The following PCED1B variants were observed in gnomAD, a reference collection of about 807,000 sequenced individuals.
PCED1B encodes PC-esterase domain containing 1B.
For synonymous variants in PCED1B, 251 were observed against 246.1 expected (o/e 1.02, Z -0.19); for missense variants, 573 against 573.9 (o/e 1.00, Z 0.02).
chr12:47,194,792 A>G (rs1487006317), intron 2 of PCED1B, among the ~76,000 whole-genome samples: 4 of 152,346 alleles, frequency 2.6e-5, no homozygotes, highest in South Asian at 2.1e-4. Context: ...CAGGGTTTTA[A>G]TGAGGAAGAG....
In PCED1B at chr12:47,095,064, G is replaced by A. The variant is rs551221276; in HGVS notation, c.-608-9049G>A. ...TGGGACTACTGGTGTGTGCCACTGT[G>A]CCCACAATTTTTTTTTTTTTTTTTT... On this transcript the variant is annotated intron_variant, in intron 1 of 3. Transcript: ENST00000546455. 1.8e-3 allele frequency among the ~76,000 whole-genome samples: 237 copies of A among 134,470 alleles called. 1 individual carries two copies. The highest frequency in any genetic ancestry group is 0.011 in the East Asian group (54 of 4,884). 88.2% of individuals were successfully genotyped at this position (134,470 alleles called of 152,430 possible). A position where few individuals can be genotyped will look rare whatever the true frequency, so the allele number is the denominator to read the frequency against.
intron 2 of PCED1B, among the ~76,000 whole-genome samples, chr12:47,193,967 T>C (rs982790707): frequency 6.6e-6 from 1 of 152,228 alleles, no homozygotes; most frequent in Admixed American, 6.5e-5. Flanking sequence ...TCTGGTTTCC[T>C]GCCTACCTCC....
At chr12:47,194,352 T>A (rs900411156) in intron 2 of PCED1B, among the ~76,000 whole-genome samples, 2 of 152,152 alleles carry the variant, frequency 1.3e-5, no homozygotes, top group African/African-American at 4.8e-5. Context: ...TTTTTGTATT[T>A]TTAATAGAGA....
chr12:47,139,313 A>G (rs1940502924), intron 2 of PCED1B, among the ~76,000 whole-genome samples: 2 of 152,228 alleles, frequency 1.3e-5, no homozygotes, highest in East Asian at 3.9e-4. Context: ...AAGGCCAGTC[A>G]GGACAGTAAT....
chr12:47,224,063 G>T (rs188224018), intron 3 of PCED1B: 28 of 152,288 alleles, frequency 1.8e-4, no homozygotes, highest in African/African-American at 6.5e-4. Context: ...GTGTTAAAGG[G>T]GTAATAGGTA....
chr12:47,152,748 T>C (rs1941042074), intron 2 of PCED1B, among the ~76,000 whole-genome samples: 1 of 151,840 alleles, frequency 6.6e-6, no homozygotes, highest in Admixed American at 6.6e-5. Context: ...CTGGCCAACA[T>C]GGCAAAACCC....
chr12:47,103,875 A>C (rs988990716), intron 1 of PCED1B, among the ~76,000 whole-genome samples: 5 of 152,066 alleles, frequency 3.3e-5, no homozygotes, highest in Admixed American at 3.3e-4. Flanking sequence ...TAGCACGTTT[A>C]TTTTCTCATT....
intron 2 of PCED1B, among the ~76,000 whole-genome samples, chr12:47,202,652 CTGTT>C (rs1348791727): frequency 7.4e-6 from 1 of 135,436 alleles, no homozygotes; most frequent in Non-Finnish European, 1.6e-5. Flanking sequence ...CGCTGCAAAA[CTGTT>C]TGGTTTTACC....
chr12:47,181,751 A>C (rs75309593), intron 2 of PCED1B, among the ~76,000 whole-genome samples: 5,858 of 152,008 alleles, frequency 0.039, 369 homozygotes, highest in African/African-American at 0.13. Flanking sequence ...TTCTCAGTCT[A>C]ATTTATCTCC....
chr12:47,138,952 C>T (rs925094466), intron 2 of PCED1B, among the ~76,000 whole-genome samples: 2 of 152,118 alleles, frequency 1.3e-5, no homozygotes, highest in African/African-American at 4.8e-5. Context: ...TTGCTTCTAC[C>T]TCCTTTTACC....
chr12:47,202,975 T>TC (rs1473144600), intron 2 of PCED1B, among the ~76,000 whole-genome samples: 1 of 151,030 alleles, frequency 6.6e-6, no homozygotes, highest in Admixed American at 6.6e-5. Flanking sequence ...TTTCTTTCTT[T>TC]TTTTTTTTTT....
At chr12:47,195,897 T>C (rs913295595) in intron 2 of PCED1B, among the ~76,000 whole-genome samples, 1 of 152,248 alleles carries the variant, frequency 6.6e-6, no homozygotes, top group African/African-American at 2.4e-5. Context: ...TATGTTTTAT[T>C]AACCATTTGC....
At chr12:47,193,101 A>G (rs1942497487) in intron 2 of PCED1B, among the ~76,000 whole-genome samples, 1 of 152,238 alleles carries the variant, frequency 6.6e-6, no homozygotes, top group African/African-American at 2.4e-5. Context: ...TGACTGCAAA[A>G]AATGAATTCA....
intron 2 of PCED1B, among the ~76,000 whole-genome samples, chr12:47,198,604 C>G (rs1213132071): frequency 6.6e-6 from 1 of 151,422 alleles, no homozygotes; most frequent in African/African-American, 2.4e-5. Flanking sequence ...AAAAAAAAAG[C>G]AAGGTAAACG....
intron 2 of PCED1B, among the ~76,000 whole-genome samples, chr12:47,190,959 T>C (rs1942422618): frequency 6.6e-6 from 1 of 152,190 alleles, no homozygotes; most frequent in Admixed American, 6.5e-5. Context: ...GAGGTCTCCA[T>C]GACCTAAGGA....
At chr12:47,163,109 A>G (rs938538861) in intron 2 of PCED1B, among the ~76,000 whole-genome samples, 1 of 152,108 alleles carries the variant, frequency 6.6e-6, no homozygotes, top group Non-Finnish European at 1.5e-5. Context: ...TTCTTTTAGC[A>G]ATGTTTTGTA....
intron 2 of PCED1B, among the ~76,000 whole-genome samples, chr12:47,177,956 G>T (rs968242326): frequency 2.0e-5 from 3 of 152,134 alleles, no homozygotes; most frequent in Admixed American, 6.5e-5. Context: ...CAAAAAAAAA[G>T]TTTGAGATTC....
chr12:47,115,171 G>A (rs969815257), intron 2 of PCED1B, among the ~76,000 whole-genome samples: 1 of 152,198 alleles, frequency 6.6e-6, no homozygotes, highest in Non-Finnish European at 1.5e-5. Flanking sequence ...AAAACCAAGA[G>A]TGTCAGCCTT....
chr12:47,225,151 C>T (rs1681959102), intron 3 of PCED1B, among the ~76,000 whole-genome samples: 1 of 152,126 alleles, frequency 6.6e-6, no homozygotes, highest in Admixed American at 6.5e-5. Context: ...ACGTTGGTCT[C>T]GAACTCCTGA....
Sources: allele counts gnomAD v4.1 joint callset (sites outside exome capture counted in the v4.1 genomes callset), GRCh38; gene constraint gnomAD v4.1.1; transcripts MANE v1.5; gene names NCBI Gene and HGNC (gene_info 2026-07-23, HGNC 2026-07-21).